Variants in PHF14 observed in about 807,000 individuals in gnomAD.
PHF14 encodes PHD finger protein 14.
A neutral mutation model predicts 117.9 loss-of-function variants in PHF14; 55 were observed. The ratio of observed to expected loss-of-function variants is 0.47; its 90% CI spans 0.38 to 0.58. PHF14 has a LOEUF of 0.58. Ranked by LOEUF, PHF14 falls within the 20% of genes least tolerant of loss-of-function variation. The pLI is 0.00. For synonymous variants in PHF14, 409 were observed against 368.6 expected (o/e 1.11, Z -1.26); for missense variants, 978 against 1,122.2 (o/e 0.87, Z 1.84).
At position 11,088,401 on chromosome 7, in the gene PHF14, CAA is replaced by C. The variant is rs372011487; in HGVS notation, c.2655-22947_2655-22946del. Among the ~76,000 whole-genome samples, 311 of 104,966 alleles carry C rather than the reference CAA, an allele frequency of 3.0e-3. 4 individuals are homozygous for C. The highest frequency in any genetic ancestry group is 0.012 in the African/African-American group (292 of 24,104). The allele number at this position is 104,966 out of a possible 152,430, so 68.9% of individuals were successfully genotyped here. On this transcript the variant is annotated intron_variant, in intron 16 of 17. Transcript: ENST00000634607. ...GTAATGTGTGTTGTTCACATACACA[CAA>C]ACACACACACACACGCACACACACA... is the stretch of plus-strand genomic sequence containing the variant.
intron 16 of PHF14, among the ~76,000 whole-genome samples, chr7:11,100,506 A>G (rs1434847460): frequency 6.6e-6 from 1 of 151,948 alleles, no homozygotes; most frequent in Non-Finnish European, 1.5e-5. Flanking sequence ...TTTAAATGAT[A>G]TTATGTAAAT....
intron 4 of PHF14, among the ~76,000 whole-genome samples, chr7:10,995,872 C>T (rs543504403): frequency 4.6e-5 from 7 of 152,208 alleles, no homozygotes; most frequent in East Asian, 1.9e-4. Flanking sequence ...GGCCCGCAAG[C>T]GCCTTGCACA....
intron 17 of PHF14, among the ~76,000 whole-genome samples, chr7:11,163,457 G>C (rs779656156): frequency 4.6e-5 from 7 of 152,158 alleles, no homozygotes; most frequent in Non-Finnish European, 8.8e-5. Context: ...AAATCTAATT[G>C]TGGTCTTCAA....
intron 3 of PHF14, among the ~76,000 whole-genome samples, chr7:10,989,015 T>G (rs1782346804): frequency 6.6e-6 from 1 of 152,000 alleles, no homozygotes; most frequent in Admixed American, 6.6e-5. Flanking sequence ...ACCAGATGAG[T>G]TTTCTTTAGG....
chr7:11,020,757 A>C (rs1417356830), intron 5 of PHF14, among the ~76,000 whole-genome samples: 1 of 152,044 alleles, frequency 6.6e-6, no homozygotes, highest in Non-Finnish European at 1.5e-5. Context: ...GTTATATTTG[A>C]AAATCAGTTA....
chr7:10,987,566 A>C (rs1334391740), intron 3 of PHF14, among the ~76,000 whole-genome samples: 1 of 152,178 alleles, frequency 6.6e-6, no homozygotes, highest in Non-Finnish European at 1.5e-5. Flanking sequence ...TTATTCATAT[A>C]CTGTCATTTA....
At chr7:11,037,147 T>C in intron 10 of PHF14, 56 bp downstream of exon 10, 1 of 1,396,172 alleles carries the variant, frequency 7.2e-7, no homozygotes, top group Non-Finnish European at 9.5e-7. Flanking sequence ...GATGATTTCT[T>C]TTGTGAATGT....
intron 10 of PHF14, among the ~76,000 whole-genome samples, chr7:11,038,179 C>G (rs987531891): frequency 6.6e-6 from 1 of 151,906 alleles, no homozygotes; most frequent in Non-Finnish European, 1.5e-5. Flanking sequence ...TTTGGGAGGC[C>G]AAGGCAGGTG....
chr7:11,105,343 A>G (rs1357775229), intron 16 of PHF14: 36 of 943,590 alleles, frequency 3.8e-5, no homozygotes, highest in Non-Finnish European at 4.0e-5. Context: ...ACTCCATTCT[A>G]TTTCCCTGTA....
rs1342901484 is a variant in PHF14 at position 11,065,463 on chromosome 7, ATTC to A, written c.2654+3381_2654+3383del. 2.0e-5 allele frequency among the ~76,000 whole-genome samples: 3 copies of A among 152,248 alleles called. No homozygotes were observed. In the East Asian group the frequency reaches 5.8e-4, roughly 29 times the overall value. ...AACTCTACATAAGTAATGACTGAGT[ATTC>A]TTTTGCTGAATTAATAAAAACTGTC... On this transcript the variant is annotated intron_variant, in intron 16 of 17. Coordinates refer to ENST00000634607, the MANE Select transcript of PHF14 (RefSeq NM_001007157.2).
intron 16 of PHF14, chr7:11,104,929 C>G: frequency 1.0e-6 from 1 of 970,244 alleles, no homozygotes; most frequent in Non-Finnish European, 1.2e-6. Flanking sequence ...AAGGAATGTG[C>G]TTTTAACATC....
chr7:11,151,858 A>G (rs1461905481), intron 17 of PHF14, among the ~76,000 whole-genome samples: 2 of 152,204 alleles, frequency 1.3e-5, no homozygotes, highest in Non-Finnish European at 2.9e-5. Flanking sequence ...ACATAAGAAC[A>G]GTCATTCCAA....
chr7:11,023,107 C>T, intron 6 of PHF14, 128 bp downstream of exon 6: 1 of 515,146 alleles, frequency 1.9e-6, no homozygotes, highest in South Asian at 3.3e-5. Flanking sequence ...AGCACTAAAT[C>T]ATTTATTATT....
At chr7:11,150,974 A>C (rs1446330177) in intron 17 of PHF14, among the ~76,000 whole-genome samples, 1 of 152,032 alleles carries the variant, frequency 6.6e-6, no homozygotes, top group East Asian at 1.9e-4. Flanking sequence ...ACTTTAAAAG[A>C]AAAGTAAAAG....
At chr7:10,984,690 C>T (rs1782154434) in intron 3 of PHF14, among the ~76,000 whole-genome samples, 2 of 152,092 alleles carry the variant, frequency 1.3e-5, no homozygotes, top group African/African-American at 4.8e-5. Flanking sequence ...GTGGGGGACA[C>T]CTGCATGTGT....
intron 10 of PHF14, among the ~76,000 whole-genome samples, chr7:11,037,779 A>G (rs1562433438): frequency 6.6e-6 from 1 of 152,206 alleles, no homozygotes; most frequent in East Asian, 1.9e-4. Context: ...AGTAGGAAGT[A>G]CGTTTCCAAT....
At chr7:10,995,975 C>T (rs1018319503) in intron 4 of PHF14, among the ~76,000 whole-genome samples, 3 of 152,268 alleles carry the variant, frequency 2.0e-5, no homozygotes, top group African/African-American at 7.2e-5. Context: ...GGGGCTCCCA[C>T]AGTGCAGCTG....
intron 11 of PHF14, among the ~76,000 whole-genome samples, chr7:11,039,235 A>AT (rs375369454): frequency 4.8e-4 from 72 of 150,428 alleles, no homozygotes; most frequent in African/African-American, 1.4e-3. Context: ...CTTATGCTGT[A>AT]TTTTTTTTTC....
chr7:11,163,673 C>G (rs1052269466), intron 17 of PHF14, among the ~76,000 whole-genome samples: 4 of 152,154 alleles, frequency 2.6e-5, no homozygotes, highest in Non-Finnish European at 1.5e-5. Context: ...CTGAAGCATG[C>G]AGTGTGCTCA....
Sources: allele counts gnomAD v4.1 joint callset (sites outside exome capture counted in the v4.1 genomes callset), GRCh38; gene constraint gnomAD v4.1.1; transcripts MANE v1.5; gene names NCBI Gene and HGNC (gene_info 2026-07-23, HGNC 2026-07-21).